The following IGF2R variants were observed in gnomAD, a reference collection of about 807,000 sequenced individuals.
IGF2R encodes the protein cation-independent mannose-6-phosphate receptor.
In IGF2R, 91 loss-of-function variants were observed where a neutral mutation model predicts 270.6. The observed-to-expected ratio is 0.34, with a 90% CI of 0.28 to 0.40. The LOEUF (loss-of-function observed/expected upper bound fraction) is 0.40, where lower values mean the gene tolerates loss of function less well. Ranked by LOEUF, IGF2R falls within the 10% of genes least tolerant of loss-of-function variation. The pLI is 1.00. For missense variants in IGF2R, 2,805 were observed against 3,188.3 expected, an observed-to-expected ratio of 0.88 and a Z score of 2.90; for synonymous variants, 1,316 against 1,258.9, an observed-to-expected ratio of 1.05 and a Z score of -0.96.
rs191243422 is a variant in IGF2R at position 160,082,278 on chromosome 6, T to A, written c.5834-1672T>A. 3.3e-3 allele frequency among the ~76,000 whole-genome samples: 498 copies of A among 152,326 alleles called. 5 individuals are homozygous for A. The highest frequency in any genetic ancestry group is 0.012 in the African/African-American group (485 of 41,576). ...TATTTTCTGAATCACACTCCTGTTT[T>A]CAAGTACTTGTAGGTATTACATTAT... On this transcript the variant is annotated intron_variant, in intron 39 of 47. Coordinates refer to ENST00000356956, the MANE Select transcript of IGF2R (RefSeq NM_000876.4).
chr6:159,988,381 G>C (rs148275812), intron 1 of IGF2R, among the ~76,000 whole-genome samples: 3,062 of 151,996 alleles, frequency 0.02, 116 homozygotes, highest in African/African-American at 0.071. Context: ...TGGGTGTGGT[G>C]GTGGGTGCCT....
chr6:160,034,680 T>C (rs1271341875), intron 10 of IGF2R, among the ~76,000 whole-genome samples, 158 bp downstream of exon 10: 4 of 152,158 alleles, frequency 2.6e-5, no homozygotes, highest in Admixed American at 2.0e-4. Context: ...GTTTTTTCTG[T>C]TGGAGTAACA....
chr6:160,065,038 G>C, intron 29 of IGF2R, 137 bp downstream of exon 29: 2 of 641,994 alleles, frequency 3.1e-6, no homozygotes, highest in Non-Finnish European at 5.6e-6. Context: ...ATATTAAAAT[G>C]AGGAGTCGGG....
At chr6:160,034,662 C>T (rs890254047) in intron 10 of IGF2R, 140 bp downstream of exon 10, 1 of 532,840 alleles carries the variant, frequency 1.9e-6, no homozygotes, top group Non-Finnish European at 3.4e-6. Context: ...CTCTAGCCCC[C>T]AGACTGGGTT....
chr6:160,079,666 C>T lies in IGF2R; in HGVS notation c.5565C>T (p.Val1855=). 1.9e-6 allele frequency: 3 copies of T among 1,566,330 alleles called. No homozygotes were observed. The highest frequency in any genetic ancestry group is 2.6e-6 in the Non-Finnish European group (3 of 1,156,708). ...AAGGAGGCTGTAAGGACGGAGGAGTCTGTCTGCTCTCAGGCACCAAGGGGG... is the reference window on the plus strand; with the variant it reads ...AAGGAGGCTGTAAGGACGGAGGAGTTTGTCTGCTCTCAGGCACCAAGGGGG... ...PEQGGCKDGG[V]CLLSGTKGAS... Residue 1855 remains valine, a synonymous_variant, in exon 38 of 48, where the codon GTC becomes GTT. Coordinates refer to ENST00000356956, the MANE Select transcript of IGF2R (RefSeq NM_000876.4).
chr6:160,050,736 T>G lies in IGF2R; in HGVS notation c.2694+84T>G. 7.8e-7 allele frequency: 1 copy of G among 1,284,646 alleles called. No individual in the cohort carries two copies. Among genetic ancestry groups the G allele is most frequent in the Non-Finnish European group, 1.1e-6 (1 of 937,234 alleles). The allele number at this position is 1,284,646 out of a possible 1,614,324, so 79.6% of individuals were successfully genotyped here. Reference sequence around the variant, plus strand: ...CTTATGTGTCTCTTAACAGCAGCAGTCTTGGGGTGGGTGGCGGAGCTAGGC... The same window carrying G: ...CTTATGTGTCTCTTAACAGCAGCAGGCTTGGGGTGGGTGGCGGAGCTAGGC... On this transcript the variant is annotated intron_variant, in intron 19 of 47. Transcript: ENST00000356956. This position sits in a 1 kb window ranked among gnomAD's most constrained non-coding sequence, Gnocchi z 4.0.
chr6:160,105,056 A>T lies in IGF2R; in HGVS notation c.7448A>T (p.Asp2483Val). 6.2e-7 allele frequency: 1 copy of T among 1,603,178 alleles called. No individual in the cohort carries two copies. Among genetic ancestry groups the T allele is most frequent in the Non-Finnish European group, 8.5e-7 (1 of 1,174,410 alleles). Reference sequence around the variant, plus strand: ...ACCAAGCTGGTGTCCTTCCATGACGACAGCGACGAGGACCTCTTACACATC... The same window carrying T: ...ACCAAGCTGGTGTCCTTCCATGACGTCAGCGACGAGGACCTCTTACACATC... ...SSTKLVSFHD[D>V]SDEDLLHI Residue 2483 changes from aspartate (D) to valine (V), a missense_variant, in exon 48 of 48, where the codon GAC becomes GTC. By Grantham distance (152) the Asp-to-Val change is radical. Transcript: ENST00000356956.
chr6:160,058,085 G>T lies in IGF2R; in HGVS notation c.2859G>T (p.Ser953=), dbSNP rs772639032. 8.2e-5 allele frequency: 132 copies of T among 1,613,084 alleles called. No homozygotes were observed. The highest frequency in any genetic ancestry group is 1.1e-4 in the Non-Finnish European group (127 of 1,179,192). The change falls in exon 21 of 48, where the codon TCG becomes TCT. Residue 953 remains serine, a synonymous_variant. Transcript: ENST00000356956. The part of the protein sequence containing the change: ...FVFNLNPLNS[S]QGYNVSGIGK... ...TTAATCTTAATCCGCTAAACAGTTC[G>T]CAAGGATATAACGTCTCTGGCATTG...
rs928392220 is a variant in IGF2R at position 160,022,333 on chromosome 6, C to T, written c.514-2239C>T. On this transcript the variant is annotated intron_variant, in intron 4 of 47. Coordinates refer to ENST00000356956, the MANE Select transcript of IGF2R (RefSeq NM_000876.4). Reference sequence around the variant, plus strand: ...TCCAGTGCTGGTTACACTAAAAGCACAGACCTCACCACTGTGCAATATCCA... The same window carrying T: ...TCCAGTGCTGGTTACACTAAAAGCATAGACCTCACCACTGTGCAATATCCA... Among the ~76,000 whole-genome samples, 13 of 152,296 alleles carry T rather than the reference C, an allele frequency of 8.5e-5. No homozygotes were observed. The Middle Eastern group carries it at 0.017, about 199-fold the overall frequency.
chr6:159,984,425 A>G (rs1393245817), intron 1 of IGF2R, among the ~76,000 whole-genome samples: 1 of 151,584 alleles, frequency 6.6e-6, no homozygotes, highest in East Asian at 1.9e-4. Flanking sequence ...AGGTCCACTC[A>G]CTCACTGACT....
At chr6:160,083,617 G>A (rs181214384) in intron 39 of IGF2R, among the ~76,000 whole-genome samples, 8 of 152,226 alleles carry the variant, frequency 5.3e-5, no homozygotes, top group Non-Finnish European at 7.3e-5. Context: ...GCGGCCTTCC[G>A]CAGTGCATTG....
Position 160,040,628 on chromosome 6 carries a change from A to G in IGF2R, c.1384A>G (p.Thr462Ala), listed in dbSNP as rs1246271495. Residue 462 changes from threonine (T) to alanine (A), a missense_variant, in exon 11 of 48, where the codon ACG becomes GCG. By Grantham distance (58) the Thr-to-Ala change is moderately conservative. This residue lies in a region of IGF2R where 954 missense variants were observed against 981.1 expected (regional missense o/e 0.97). Coordinates refer to ENST00000356956, the MANE Select transcript of IGF2R (RefSeq NM_000876.4). ...CTGCACCTACTTCTTCACATGGGAC[A>G]CGGAATACGCCTGTGTTAAGGAGAA... ...VDCTYFFTWD[T>A]EYACVKEKED... 2 of 1,614,186 alleles carry G rather than the reference A, an allele frequency of 1.2e-6. No homozygotes were observed. The highest frequency in any genetic ancestry group is 4.5e-5 in the East Asian group (2 of 44,884).
At chr6:160,018,801 C>G (rs778808717) in intron 4 of IGF2R, among the ~76,000 whole-genome samples, 1 of 151,740 alleles carries the variant, frequency 6.6e-6, no homozygotes, top group Non-Finnish European at 1.5e-5. Flanking sequence ...ATAAAACCTG[C>G]GGGATACAGC....
chr6:160,056,506 C>A lies in IGF2R; in HGVS notation c.2777C>A (p.Thr926Lys). The A allele has an allele frequency of 6.2e-7, 1 of 1,612,494 alleles. No individual in the cohort carries two copies. Among genetic ancestry groups the A allele is most frequent in the Non-Finnish European group, 8.5e-7 (1 of 1,178,470 alleles). The change falls in exon 20 of 48, where the codon ACA (threonine) becomes AAA (lysine). Residue 926 changes from threonine (T) to lysine (K), a missense_variant. By Grantham distance (78) the Thr-to-Lys change is moderately conservative. Coordinates refer to ENST00000356956, the MANE Select transcript of IGF2R (RefSeq NM_000876.4). The part of the protein sequence containing the change: ...WNTEAACPIQ[T>K]TTDTDQACSI... ...ACAGAGGCTGCCTGTCCCATTCAGACAACGACGGATACAGACCAGGTACGT... is the reference window on the plus strand; with the variant it reads ...ACAGAGGCTGCCTGTCCCATTCAGAAAACGACGGATACAGACCAGGTACGT...
rs1478224718 is a variant in IGF2R, at chr6:160,009,108, A to G, written c.388A>G (p.Ile130Val). The change falls in exon 3 of 48, where the codon ATT becomes GTT. Residue 130 changes from isoleucine (I) to valine (V), a missense_variant. Ile to Val is a conservative substitution (Grantham distance 29, BLOSUM62 3). Around this residue, in one of 2 missense-constraint regions of IGF2R, gnomAD observed 954 missense variants for 981.1 expected, o/e 0.97. Coordinates refer to ENST00000356956, the MANE Select transcript of IGF2R (RefSeq NM_000876.4). ...QGTNHRVQSSIAFLCGKTLGT... is the reference protein window; with the variant it reads ...QGTNHRVQSSVAFLCGKTLGT... The stretch of plus-strand genomic sequence containing the variant: ...CACAAATCACAGAGTCCAGAGCAGC[A>G]TTGCCTTCCTGTGTGGGAAAACCCT... 2.5e-6 allele frequency: 4 copies of G among 1,613,760 alleles called. No homozygotes were observed. Among genetic ancestry groups the G allele is most frequent in the Non-Finnish European group, 3.4e-6 (4 of 1,179,876 alleles).
intron 4 of IGF2R, among the ~76,000 whole-genome samples, chr6:160,016,136 C>T (rs533339676): frequency 8.5e-5 from 13 of 152,298 alleles, no homozygotes; most frequent in African/African-American, 2.2e-4. Context: ...CTGCTGCCAG[C>T]GATGGGCCAC....
In IGF2R at chr6:160,090,100, C is replaced by A; in HGVS notation, c.6652C>A (p.Gln2218Lys). ...GTSDKTKYYLQDGDLDVVFAS... is the reference protein window; with the variant it reads ...GTSDKTKYYLKDGDLDVVFAS... ...CTCTGACAAGACCAAGTACTACCTT[C>A]AAGGTAATCCGTGGCTTCCCACAAA... Residue 2218 changes from glutamine (Q) to lysine (K), a missense_variant, in exon 44 of 48, where the codon CAA (glutamine) becomes AAA (lysine). By Grantham distance (53) the Gln-to-Lys change is moderately conservative. Around this residue, in one of 2 missense-constraint regions of IGF2R, gnomAD observed 1,851 missense variants for 2,207.2 expected, o/e 0.84. Coordinates refer to ENST00000356956, the MANE Select transcript of IGF2R (RefSeq NM_000876.4). 1 of 1,467,702 alleles carries A rather than the reference C, an allele frequency of 6.8e-7. No individual in the cohort carries two copies. Among genetic ancestry groups the A allele is most frequent in the Non-Finnish European group, 9.1e-7 (1 of 1,100,832 alleles). The allele number at this position is 1,467,702 out of a possible 1,614,324, so 90.9% of individuals were successfully genotyped here.
At chr6:160,027,453 A>T in intron 6 of IGF2R, 139 bp downstream of exon 6, 1 of 957,876 alleles carries the variant, frequency 1.0e-6, no homozygotes, top group Non-Finnish European at 1.5e-6. Context: ...TACTTGTAAG[A>T]TTGTTGGTCA....
chr6:159,986,584 A>G (rs1265209427), intron 1 of IGF2R, among the ~76,000 whole-genome samples: 3 of 152,208 alleles, frequency 2.0e-5, no homozygotes, highest in Non-Finnish European at 1.5e-5. Context: ...TCTTTCTTTC[A>G]GAAAATGTAT....
Sources: gnomAD v4.1 joint callset for allele counts (sites outside exome capture counted in the v4.1 genomes callset) on GRCh38, gnomAD v4.1.1 for gene constraint, gnomAD v4.1.1 regional missense constraint, Gnocchi (gnomAD v3.1) non-coding constraint, MANE v1.5 for transcripts, NCBI Gene and HGNC (gene_info 2026-07-23, HGNC 2026-07-21) for gene names.